CNOT4: variants seen among roughly 807,000 people sequenced by gnomAD.
The protein encoded by CNOT4 is CCR4-NOT transcription complex subunit 4.
A neutral mutation model predicts 73.8 loss-of-function variants in CNOT4; 8 were observed. That is an observed-to-expected ratio of 0.11 (90% CI 0.06 to 0.20). The LOEUF (loss-of-function observed/expected upper bound fraction) is 0.20. CNOT4 is among the 10% of genes least tolerant of loss of function. CNOT4 has a pLI of 1.00. For missense variants in CNOT4, 564 were observed against 883.4 expected (o/e 0.64, Z 4.58); for synonymous variants, 293 against 321.1 (o/e 0.91, Z 0.94).
rs761333524 is a variant in CNOT4 at position 135,395,226 on chromosome 7, A to G, written c.1129+408T>C. ...TAGCAAGACCCTGTCTCTACAAAAAATTTAAAAATTAACCAGGAGGCTGAG... is the reference window on the plus strand; with the variant it reads ...TAGCAAGACCCTGTCTCTACAAAAAGTTTAAAAATTAACCAGGAGGCTGAG... On this transcript the variant is annotated intron_variant, in intron 9 of 11. Coordinates refer to ENST00000541284, the MANE Select transcript of CNOT4 (RefSeq NM_001190850.2). 2.0e-4 allele frequency among the ~76,000 whole-genome samples: 31 copies of G among 152,100 alleles called. No homozygotes were observed. In the Middle Eastern group the frequency reaches 0.014, roughly 67 times the overall value.
chr7:135,398,086 AT>A, intron 8 of CNOT4, 82 bp downstream of exon 8: 1 of 767,874 alleles, frequency 1.3e-6, no homozygotes, highest in South Asian at 1.5e-5. Context: ...TCAGTAAAGT[AT>A]TTTTAGAAAA....
Position 135,453,848 on chromosome 7 carries a change from T to TATATATATATAAA in CNOT4, c.-92-15426_-92-15425insTTTATATATATAT, listed in dbSNP as rs61345541. 8.9e-4 allele frequency among the ~76,000 whole-genome samples: 104 copies of TATATATATATAAA among 116,716 alleles called. 3 individuals carry two copies. In the East Asian group the frequency reaches 0.012, roughly 13 times the overall value. 76.6% of individuals were successfully genotyped at this position (116,716 alleles called of 152,430 possible). Reference sequence around the variant, plus strand: ...ATTTTATATATATATATATATATATTATATATATAGCTGGTACAGCAGCTC... The same window carrying TATATATATATAAA: ...ATTTTATATATATATATATATATATTATATATATATAAAATATATATAGCTGGTACAGCAGCTC... On this transcript the variant is annotated intron_variant, in intron 1 of 11. Coordinates refer to ENST00000541284, the MANE Select transcript of CNOT4 (RefSeq NM_001190850.2).
chr7:135,387,895 T>C, intron 10 of CNOT4: 1 of 965,244 alleles, frequency 1.0e-6, no homozygotes, highest in Non-Finnish European at 1.2e-6. Flanking sequence ...CTCATTCTGG[T>C]CAGGTACTTA....
intron 10 of CNOT4, among the ~76,000 whole-genome samples, chr7:135,390,471 T>A (rs551152395): frequency 1.2e-4 from 18 of 152,228 alleles, no homozygotes; most frequent in Admixed American, 1.1e-3. Context: ...TGAATGAATT[T>A]ACTGTAACTG....
At chr7:135,483,526 A>T (rs190419901) in intron 1 of CNOT4, among the ~76,000 whole-genome samples, 4 of 151,832 alleles carry the variant, frequency 2.6e-5, no homozygotes, top group African/African-American at 9.7e-5. Context: ...TCATGATATT[A>T]AAAAAAACTC....
chr7:135,428,557 C>T (rs1428311722), intron 2 of CNOT4, among the ~76,000 whole-genome samples: 1 of 151,910 alleles, frequency 6.6e-6, no homozygotes, highest in Non-Finnish European at 1.5e-5. Context: ...ATGGAAAACA[C>T]AAAACCAATA....
intron 1 of CNOT4, among the ~76,000 whole-genome samples, chr7:135,453,826 T>TTATATATATATATATATATATATATA (rs55732572): frequency 2.2e-5 from 2 of 89,900 alleles, no homozygotes; most frequent in African/African-American, 3.9e-5. Flanking sequence ...TATATATATT[T>TTATATATATATATATATATATATATA]TATATATATA....
At chr7:135,417,864 G>A (rs533877113) in intron 3 of CNOT4, among the ~76,000 whole-genome samples, 1 of 152,326 alleles carries the variant, frequency 6.6e-6, no homozygotes, top group African/African-American at 2.4e-5. Context: ...TATAGTTGCT[G>A]TGCCAGAAGC....
At position 135,362,936 on chromosome 7, in the gene CNOT4, G is replaced by A; in HGVS notation, c.2091C>T (p.Pro697=). The change falls in exon 12 of 12, where the codon CCC becomes CCT. Residue 697 remains proline (P), a synonymous_variant. Transcript: ENST00000541284. ...GTAGTAAATCTGTGGGGGTTTTGCT[G>A]GGGGGTCTGAAGGCTGTCTGAAAGC... The part of the protein sequence containing the change: ...PPGFQTAFRP[P]SKTPTDLLQS... 2 of 1,613,064 alleles carry A rather than the reference G, an allele frequency of 1.2e-6. No homozygotes were observed. Among genetic ancestry groups the A allele is most frequent in the Non-Finnish European group, 1.7e-6 (2 of 1,179,252 alleles).
chr7:135,374,058 AG>A (rs1035692784), intron 10 of CNOT4, among the ~76,000 whole-genome samples: 68 of 152,358 alleles, frequency 4.5e-4, no homozygotes, highest in African/African-American at 1.5e-3. Context: ...TAAAATATAC[AG>A]GAAGTTTAAT....
At chr7:135,374,823 A>G (rs747655180) in intron 10 of CNOT4, among the ~76,000 whole-genome samples, 2 of 152,240 alleles carry the variant, frequency 1.3e-5, no homozygotes, top group Admixed American at 6.5e-5. Flanking sequence ...ATTTTTAAAA[A>G]TGCATTTGGA....
chr7:135,443,452 G>C (rs1458810739), intron 1 of CNOT4, among the ~76,000 whole-genome samples: 1 of 151,854 alleles, frequency 6.6e-6, no homozygotes, highest in Non-Finnish European at 1.5e-5. Context: ...ACTGAAGCTA[G>C]AGTGTTAAAG....
intron 1 of CNOT4, among the ~76,000 whole-genome samples, chr7:135,496,976 AT>A (rs750392058): frequency 5.9e-4 from 86 of 146,318 alleles, no homozygotes; most frequent in Admixed American, 6.8e-4. Context: ...CTGGATAATT[AT>A]TTTTTTTTTT....
intron 10 of CNOT4, among the ~76,000 whole-genome samples, chr7:135,392,811 G>A (rs1796470592): frequency 6.6e-6 from 1 of 152,094 alleles, no homozygotes; most frequent in Non-Finnish European, 1.5e-5. Flanking sequence ...ATGAAATATT[G>A]TCGGTCCCAA....
chr7:135,427,476 T>C (rs904323242), intron 2 of CNOT4, among the ~76,000 whole-genome samples: 14 of 152,200 alleles, frequency 9.2e-5, no homozygotes, highest in African/African-American at 3.1e-4. Context: ...ATAAATGTAT[T>C]CACAGCTTTA....
chr7:135,504,733 G>A (rs1429564301), intron 1 of CNOT4, among the ~76,000 whole-genome samples: 2 of 122,098 alleles, frequency 1.6e-5, no homozygotes, highest in Admixed American at 1.5e-4. Flanking sequence ...TGATCCGCCC[G>A]CCTCGGCCTC....
At chr7:135,472,374 G>A (rs1801640045) in intron 1 of CNOT4, among the ~76,000 whole-genome samples, 1 of 145,160 alleles carries the variant, frequency 6.9e-6, no homozygotes, top group Non-Finnish European at 1.5e-5. Context: ...CTACTCAGAA[G>A]GCTGAGGCAG....
Position 135,422,873 on chromosome 7 carries a change from G to C in CNOT4, c.175-520C>G, listed in dbSNP as rs146583564. On this transcript the variant is annotated intron_variant, in intron 2 of 11. Transcript: ENST00000541284. ...AATACTAGCAATCACACTGTTGTGT[G>C]ATCTTTTCTTTCTTAGCATTTTGAT... 2.6e-4 allele frequency among the ~76,000 whole-genome samples: 39 copies of C among 152,240 alleles called. 1 individual carries two copies. The East Asian group carries it at 6.8e-3, about 26-fold the overall frequency.
chr7:135,414,464 T>C (rs1355125852), intron 4 of CNOT4, 32 bp from the exon 5 acceptor site: 3 of 940,516 alleles, frequency 3.2e-6, no homozygotes. Flanking sequence ...CCACTGTTAT[T>C]AGTTAAAAAT....
Sources: allele counts gnomAD v4.1 joint callset (sites outside exome capture counted in the v4.1 genomes callset), GRCh38; gene constraint gnomAD v4.1.1; transcripts MANE v1.5; gene names NCBI Gene and HGNC (gene_info 2026-07-23, HGNC 2026-07-21).